Variants in TMEM65 observed in about 807,000 individuals in gnomAD.
TMEM65 encodes transmembrane protein 65.
TMEM65 carries 22 observed loss-of-function variants against 25.4 expected under a neutral mutation model. The observed-to-expected ratio is 0.86, with a 90% CI of 0.62 to 1.23. The LOEUF (loss-of-function observed/expected upper bound fraction) is 1.23. Ranked by LOEUF, TMEM65 falls within the 50% of genes most tolerant of loss-of-function variation. The pLI, the probability that TMEM65 is intolerant of heterozygous loss-of-function variation, is 0.00. For synonymous variants in TMEM65, 132 were observed against 126.2 expected, an observed-to-expected ratio of 1.05 and a Z score of -0.31; for missense variants, 262 against 308.2, an observed-to-expected ratio of 0.85 and a Z score of 1.12.
chr8:124,324,115 A>G (rs1057432963), intron 3 of TMEM65, among the ~76,000 whole-genome samples: 2 of 152,098 alleles, frequency 1.3e-5, no homozygotes, highest in Admixed American at 6.6e-5. Flanking sequence ...TGCTAATTCA[A>G]TTCTAATCCC....
chr8:124,366,135 T>C (rs1814935693), intron 1 of TMEM65, among the ~76,000 whole-genome samples: 2 of 152,118 alleles, frequency 1.3e-5, no homozygotes, highest in Admixed American at 1.3e-4. Context: ...AGCAGGAGAA[T>C]CGCTTGAACC....
At chr8:124,316,694 G>T (rs1007685419) in intron 6 of TMEM65, among the ~76,000 whole-genome samples, 2 of 152,086 alleles carry the variant, frequency 1.3e-5, no homozygotes, top group African/African-American at 2.4e-5. Context: ...AATACAGAAA[G>T]AAAACAATTA....
intron 3 of TMEM65, among the ~76,000 whole-genome samples, chr8:124,327,087 T>A (rs910652859): frequency 2.0e-5 from 3 of 152,010 alleles, no homozygotes; most frequent in South Asian, 4.1e-4. Context: ...ATGTTGAAAT[T>A]AGAATAGGAC....
intron 3 of TMEM65, among the ~76,000 whole-genome samples, chr8:124,325,718 G>C (rs997477963): frequency 6.6e-6 from 1 of 151,822 alleles, no homozygotes; most frequent in African/African-American, 2.4e-5. Context: ...CACAGACCTG[G>C]GGAACACCAA....
Position 124,371,932 on chromosome 8 carries a change from T to C in TMEM65, c.226A>G (p.Ile76Val). The C allele has an allele frequency of 6.5e-7, 1 of 1,528,700 alleles. No homozygotes were observed. The highest frequency in any genetic ancestry group is 8.8e-7 in the Non-Finnish European group (1 of 1,141,730). The allele number at this position is 1,528,700 out of a possible 1,614,324, so 94.7% of individuals were successfully genotyped here. Residue 76 changes from isoleucine to valine, a missense_variant, in exon 1 of 7, where the codon ATC becomes GTC. By Grantham distance (29) the Ile-to-Val change is conservative. Transcript: ENST00000297632. Reference protein sequence around the residue: ...LNTAQGARDFIYSLHSTERSC... With the variant: ...LNTAQGARDFVYSLHSTERSC... ...CTCTCCGTGGAGTGCAGGCTGTAGA[T>C]GAAGTCGCGCGCGCCCTGCGCCGTG... is the stretch of plus-strand genomic sequence containing the variant.
At position 124,322,709 on chromosome 8, in the gene TMEM65, A is replaced by C. The variant is rs138246581; in HGVS notation, c.473-562T>G. Among the ~76,000 whole-genome samples the C allele has an allele frequency of 5.9e-5, 9 of 152,122 alleles. No homozygotes were observed. The East Asian group carries it at 1.7e-3, about 29-fold the overall frequency. On this transcript the variant is annotated intron_variant, in intron 4 of 6. Transcript: ENST00000297632. Reference sequence around the variant, plus strand: ...CTCAAAAATAAATAAATAAAAAATAAATAATAGGCTGGGCGTGGTGGCTCA... The same window carrying C: ...CTCAAAAATAAATAAATAAAAAATACATAATAGGCTGGGCGTGGTGGCTCA...
chr8:124,318,874 A>C (rs1814272119), intron 6 of TMEM65, among the ~76,000 whole-genome samples: 1 of 152,132 alleles, frequency 6.6e-6, no homozygotes, highest in African/African-American at 2.4e-5. Flanking sequence ...CTCCTATTGA[A>C]TATTGCAGTC....
At chr8:124,369,042 G>A (rs952080256) in intron 1 of TMEM65, among the ~76,000 whole-genome samples, 1 of 152,038 alleles carries the variant, frequency 6.6e-6, no homozygotes, top group African/African-American at 2.4e-5. Context: ...TAAAAATTTT[G>A]GCTAACATTG....
intron 1 of TMEM65, among the ~76,000 whole-genome samples, chr8:124,351,311 G>C (rs1356125947): frequency 6.6e-6 from 1 of 152,064 alleles, no homozygotes; most frequent in Admixed American, 6.6e-5. Context: ...AGTAACAGAT[G>C]GGAAAAGTTG....
At chr8:124,333,796 T>A (rs1371380827) in intron 1 of TMEM65, among the ~76,000 whole-genome samples, 1 of 152,276 alleles carries the variant, frequency 6.6e-6, no homozygotes, top group East Asian at 1.9e-4. Flanking sequence ...TGTTGCAGCT[T>A]TCAGCCTGTG....
intron 1 of TMEM65, among the ~76,000 whole-genome samples, chr8:124,353,831 T>C (rs1563597705): frequency 6.6e-6 from 1 of 152,140 alleles, no homozygotes; most frequent in Non-Finnish European, 1.5e-5. Flanking sequence ...TAGAATATAT[T>C]GATATAAATT....
chr8:124,362,334 T>G (rs1424462994), intron 1 of TMEM65, among the ~76,000 whole-genome samples: 1 of 151,870 alleles, frequency 6.6e-6, no homozygotes, highest in African/African-American at 2.4e-5. Flanking sequence ...CAGATAAAAC[T>G]AAATTAATAT....
At chr8:124,346,540 A>G (rs1814642632) in intron 1 of TMEM65, among the ~76,000 whole-genome samples, 1 of 152,150 alleles carries the variant, frequency 6.6e-6, no homozygotes, top group African/African-American at 2.4e-5. Flanking sequence ...TAAAAATCCA[A>G]ATTATTTATA....
Position 124,372,177 on chromosome 8 carries a change from AC to A in TMEM65, c.-21del, listed in dbSNP as rs377114972. 2.8e-4 allele frequency: 339 copies of A among 1,211,370 alleles called. 7 individuals carry two copies. The East Asian group carries it at 9.0e-3, about 32-fold the overall frequency. 75.0% of individuals were successfully genotyped at this position (1,211,370 alleles called of 1,614,324 possible). A position where few individuals can be genotyped will look rare whatever the true frequency, so the allele number is the denominator to read the frequency against. On this transcript the variant is annotated 5_prime_UTR_variant, in exon 1 of 7. Coordinates refer to ENST00000297632, the MANE Select transcript of TMEM65 (RefSeq NM_194291.3). The stretch of plus-strand genomic sequence containing the variant: ...GGACATGGCGAGCTGAGGAGCTGGG[AC>A]CCCCGCGGCCGTCCGGCAAGGCGGT...
At chr8:124,335,424 GA>G (rs1234733475) in intron 1 of TMEM65, among the ~76,000 whole-genome samples, 2 of 152,256 alleles carry the variant, frequency 1.3e-5, no homozygotes, top group East Asian at 3.9e-4. Flanking sequence ...AAGAGCATCA[GA>G]AATGGTAAAT....
chr8:124,318,363 G>GTTTTTT lies in TMEM65; in HGVS notation c.621+1722_621+1723insAAAAAA, dbSNP rs144957064. Among the ~76,000 whole-genome samples the GTTTTTT allele has an allele frequency of 2.2e-3, 164 of 73,842 alleles. 27 individuals carry two copies. Among genetic ancestry groups the GTTTTTT allele is most frequent in the East Asian group, 2.9e-3 (6 of 2,080 alleles). The allele number at this position is 73,842 out of a possible 152,430, so 48.4% of individuals were successfully genotyped here. On this transcript the variant is annotated intron_variant, in intron 6 of 6. Coordinates refer to ENST00000297632, the MANE Select transcript of TMEM65 (RefSeq NM_194291.3). ...TTGTTTTAAGCTGCTGAATTTGCAT[G>GTTTTTT]TTTTTGTTTTTTTTTTTTTTTTTTT...
At chr8:124,354,579 C>T (rs1038040296) in intron 1 of TMEM65, among the ~76,000 whole-genome samples, 2 of 152,198 alleles carry the variant, frequency 1.3e-5, no homozygotes, top group African/African-American at 2.4e-5. Flanking sequence ...GGGCACTCCA[C>T]ATCTAATAGC....
Position 124,372,153 on chromosome 8 carries a change from G to A in TMEM65, c.5C>T (p.Ser2Phe). Reference sequence around the variant, plus strand: ...GCTCCTCAGCAGCGGCAGCAGCCGGGACATGGCGAGCTGAGGAGCTGGGAC... The same window carrying A: ...GCTCCTCAGCAGCGGCAGCAGCCGGAACATGGCGAGCTGAGGAGCTGGGAC... The part of the protein sequence containing the change: M[S>F]RLLPLLRSRT... Residue 2 changes from serine (S) to phenylalanine (F), a missense_variant, in exon 1 of 7, where the codon TCC becomes TTC. Ser to Phe is a radical substitution (Grantham distance 155). Coordinates refer to ENST00000297632, the MANE Select transcript of TMEM65 (RefSeq NM_194291.3). 3.1e-6 allele frequency: 4 copies of A among 1,279,214 alleles called. No individual in the cohort carries two copies. The highest frequency in any genetic ancestry group is 3.0e-6 in the Non-Finnish European group (3 of 1,009,626). 79.2% of individuals were successfully genotyped at this position (1,279,214 alleles called of 1,614,324 possible).
At chr8:124,318,716 C>T (rs1236071508) in intron 6 of TMEM65, among the ~76,000 whole-genome samples, 1 of 152,094 alleles carries the variant, frequency 6.6e-6, no homozygotes, top group Non-Finnish European at 1.5e-5. Context: ...AAGATGAAGA[C>T]TGAGTGTTTG....
Sources: allele counts gnomAD v4.1 joint callset (sites outside exome capture counted in the v4.1 genomes callset), GRCh38; gene constraint gnomAD v4.1.1; transcripts MANE v1.5; gene names NCBI Gene and HGNC (gene_info 2026-07-23, HGNC 2026-07-21).